CXCL13: variants seen among roughly 807,000 people sequenced by gnomAD.
CXCL13 encodes C-X-C motif chemokine ligand 13.
CXCL13 carries 7 observed loss-of-function variants against 12.2 expected under a neutral mutation model. The ratio of observed to expected loss-of-function variants is 0.57; its 90% CI spans 0.33 to 1.07. The LOEUF (loss-of-function observed/expected upper bound fraction) is 1.07, where lower values mean the gene tolerates loss of function less well. Among genes scored for constraint, CXCL13 ranks in the 50% least tolerant of loss-of-function variants. CXCL13 has a pLI of 0.04. For missense variants in CXCL13, 113 were observed against 127.4 expected (o/e 0.89, Z 0.55); for synonymous variants, 47 against 42.4 (o/e 1.11, Z -0.42).
chr4:77,600,064 C>T lies in CXCL13; in HGVS notation c.-42-5760C>T, dbSNP rs563833455. Among the ~76,000 whole-genome samples the T allele has an allele frequency of 2.0e-5, 3 of 151,648 alleles. No individual in the cohort carries two copies. In the East Asian group the frequency reaches 5.8e-4, roughly 29 times the overall value. ...TGAATGATGATACCATTTACTAAGA[C>T]TTGGAATATTGGAGATAGAGCAGGT... On this transcript the variant is annotated intron_variant, in intron 1 of 4. Transcript: ENST00000286758.
rs201410906 is a variant in CXCL13, at chr4:77,610,970, T to G, written c.279-18T>G. ...TTTCTCTAAACATGACAATTTTGTT[T>G]TTGTTTCTGCTTCACAGAAGAAGTT... On this transcript the variant is annotated intron_variant, in intron 3 of 3. Transcript: ENST00000682537. The G allele has an allele frequency of 6.2e-7, 1 of 1,606,444 alleles. No homozygotes were observed. Among genetic ancestry groups the G allele is most frequent in the South Asian group, 1.1e-5 (1 of 90,586 alleles).
chr4:77,588,581 G>C (rs1452854606), intron 1 of CXCL13, among the ~76,000 whole-genome samples: 1 of 152,092 alleles, frequency 6.6e-6, no homozygotes, highest in Non-Finnish European at 1.5e-5. Flanking sequence ...ATTTGTCCTT[G>C]GCATGTGTAT....
chr4:77,601,530 G>A (rs1442838693), upstream of CXCL13, among the ~76,000 whole-genome samples: 2 of 152,192 alleles, frequency 1.3e-5, no homozygotes, highest in African/African-American at 4.8e-5. Context: ...TGGATGATCA[G>A]CGTCAAAGAA....
intron 1 of CXCL13, among the ~76,000 whole-genome samples, chr4:77,597,437 T>G (rs1726790603): frequency 6.6e-6 from 1 of 152,164 alleles, no homozygotes; most frequent in African/African-American, 2.4e-5. Context: ...CTTCTCCATG[T>G]GTTGGTTTTG....
In CXCL13 at chr4:77,512,281, A is replaced by G. The variant is rs538677996; in HGVS notation, c.-43+493A>G. The stretch of plus-strand genomic sequence containing the variant: ...AAATAAATTTAGTGGCAAAATTTGT[A>G]GTTAATTTTATAGAAGTCAGGAAAT... On this transcript the variant is annotated intron_variant, in intron 1 of 4. Transcript: ENST00000286758. Among the ~76,000 whole-genome samples the G allele has an allele frequency of 8.5e-5, 13 of 152,286 alleles. No homozygotes were observed. In the South Asian group the frequency reaches 1.2e-3, roughly 15 times the overall value.
At chr4:77,542,301 A>G (rs1309221907) in intron 1 of CXCL13, among the ~76,000 whole-genome samples, 1 of 152,102 alleles carries the variant, frequency 6.6e-6, no homozygotes, top group African/African-American at 2.4e-5. Flanking sequence ...CTCAAGGGGA[A>G]TGCTTCCAGT....
chr4:77,605,385 T>A (rs746196517), upstream of CXCL13, among the ~76,000 whole-genome samples: 3 of 152,210 alleles, frequency 2.0e-5, no homozygotes, highest in African/African-American at 7.2e-5. Flanking sequence ...ACTGAGCACC[T>A]ACCAAAGGCC....
chr4:77,568,794 A>G (rs1725998547), intron 1 of CXCL13, among the ~76,000 whole-genome samples: 2 of 152,078 alleles, frequency 1.3e-5, no homozygotes, highest in Non-Finnish European at 2.9e-5. Flanking sequence ...TCTCTCTAGG[A>G]TTGTGGGTTA....
chr4:77,533,085 G>A (rs1724971456), intron 1 of CXCL13, among the ~76,000 whole-genome samples: 1 of 152,212 alleles, frequency 6.6e-6, no homozygotes, highest in African/African-American at 2.4e-5. Context: ...GTGAGGAGCT[G>A]TGTTCCTTTG....
At chr4:77,544,248 T>C (rs865850335) in intron 1 of CXCL13, among the ~76,000 whole-genome samples, 4 of 152,310 alleles carry the variant, frequency 2.6e-5, no homozygotes, top group South Asian at 4.1e-4. Flanking sequence ...TTATAATCCT[T>C]TGGGCATATA....
chr4:77,544,525 T>C (rs1202987284), intron 1 of CXCL13, among the ~76,000 whole-genome samples: 3 of 152,248 alleles, frequency 2.0e-5, no homozygotes, highest in Admixed American at 6.5e-5. Flanking sequence ...TCTGTGTCTG[T>C]AGGCTGCATA....
chr4:77,582,412 G>A (rs1353763602), intron 1 of CXCL13, among the ~76,000 whole-genome samples: 14 of 152,210 alleles, frequency 9.2e-5, no homozygotes, highest in Admixed American at 8.5e-4. Flanking sequence ...AGTGGGATCA[G>A]GGGAGACATT....
chr4:77,595,958 C>T (rs1201125401), intron 1 of CXCL13, among the ~76,000 whole-genome samples: 1 of 152,194 alleles, frequency 6.6e-6, no homozygotes, highest in Non-Finnish European at 1.5e-5. Context: ...CAATTTGGCA[C>T]TCAAACACCT....
At chr4:77,602,186 A>ACC (rs1304526330), upstream of CXCL13, among the ~76,000 whole-genome samples, 384 of 152,308 alleles carry the variant, frequency 2.5e-3, 1 homozygote, top group Non-Finnish European at 4.0e-3. Flanking sequence ...ACTTTGTCCA[A>ACC]TTATGCCATC....
At chr4:77,549,035 T>C (rs960994227) in intron 1 of CXCL13, among the ~76,000 whole-genome samples, 1 of 152,240 alleles carries the variant, frequency 6.6e-6, no homozygotes, top group African/African-American at 2.4e-5. Context: ...TGTTCATTTC[T>C]TTTTACTCTT....
intron 1 of CXCL13, among the ~76,000 whole-genome samples, chr4:77,529,979 G>T (rs868439817): frequency 6.6e-6 from 1 of 152,270 alleles, no homozygotes; most frequent in Middle Eastern, 3.4e-3. Context: ...AGAGTTTTTA[G>T]CATGAAGCGT....
intron 1 of CXCL13, among the ~76,000 whole-genome samples, chr4:77,534,354 T>C (rs963808721): frequency 1.3e-5 from 2 of 152,202 alleles, no homozygotes; most frequent in Non-Finnish European, 2.9e-5. Context: ...AGTTGTTCTT[T>C]AACTGATGAA....
Position 77,536,707 on chromosome 4 carries a change from C to G in CXCL13, c.-43+24919C>G, listed in dbSNP as rs918851044. On this transcript the variant is annotated intron_variant, in intron 1 of 4. Coordinates refer to the CXCL13 transcript ENST00000286758. Reference sequence around the variant, plus strand: ...CAAGGTGCAAAGTGTGGCAAAGAAACAAGAGGAAAAGTGGCAAAATATCTT... The same window carrying G: ...CAAGGTGCAAAGTGTGGCAAAGAAAGAAGAGGAAAAGTGGCAAAATATCTT... 3.9e-5 allele frequency among the ~76,000 whole-genome samples: 6 copies of G among 152,124 alleles called. 1 individual carries two copies. The highest frequency in any genetic ancestry group is 3.9e-4 in the Admixed American group (6 of 15,260).
chr4:77,550,531 T>G (rs1293766801), intron 1 of CXCL13, among the ~76,000 whole-genome samples: 1 of 152,228 alleles, frequency 6.6e-6, no homozygotes, highest in East Asian at 1.9e-4. Flanking sequence ...AGCCTTGTTT[T>G]GTGGCCAAGC....
Sources: allele counts gnomAD v4.1 joint callset (sites outside exome capture counted in the v4.1 genomes callset), GRCh38; gene constraint gnomAD v4.1.1; transcripts MANE v1.5; gene names NCBI Gene and HGNC (gene_info 2026-07-23, HGNC 2026-07-21).